JMJD1C: variants seen among roughly 807,000 people sequenced by gnomAD.
JMJD1C encodes jumonji domain-containing protein 1C.
Under a neutral mutation model 245.3 loss-of-function variants are expected in JMJD1C, and 31 were observed. That is an observed-to-expected ratio of 0.13 (90% CI 0.09 to 0.17). The LOEUF is 0.17. JMJD1C is among the 10% of genes least tolerant of loss of function. The pLI, the probability that JMJD1C is intolerant of heterozygous loss-of-function variation, is 1.00. For missense variants in JMJD1C, 2,691 were observed against 3,000.2 expected (o/e 0.90, Z 2.41); for synonymous variants, 1,057 against 1,017.4 (o/e 1.04, Z -0.74).
intron 2 of JMJD1C, among the ~76,000 whole-genome samples, chr10:63,290,010 C>T (rs1025815722): frequency 9.2e-5 from 14 of 151,810 alleles, no homozygotes; most frequent in African/African-American, 2.9e-4. Context: ...TCAAATATTA[C>T]AATACAGCCT....
chr10:63,216,298 C>A (rs1847967692), intron 5 of JMJD1C, among the ~76,000 whole-genome samples: 1 of 152,086 alleles, frequency 6.6e-6, no homozygotes, highest in Non-Finnish European at 1.5e-5. Context: ...ACAATACAAT[C>A]AGGCAGGAAG....
intron 1 of JMJD1C, among the ~76,000 whole-genome samples, chr10:63,411,120 A>C (rs1949446389): frequency 6.6e-6 from 1 of 152,168 alleles, no homozygotes; most frequent in Admixed American, 6.5e-5. Flanking sequence ...GAGTGTAAAA[A>C]GCCACTGAAT....
chr10:63,297,492 T>C (rs1237862062), intron 2 of JMJD1C, among the ~76,000 whole-genome samples: 1 of 152,184 alleles, frequency 6.6e-6, no homozygotes, highest in Non-Finnish European at 1.5e-5. Flanking sequence ...TCATTCTTCC[T>C]GGATGCAGGA....
intron 1 of JMJD1C, among the ~76,000 whole-genome samples, chr10:63,447,515 A>G (rs1319647667): frequency 6.6e-6 from 1 of 152,198 alleles, no homozygotes; most frequent in Non-Finnish European, 1.5e-5. Context: ...CAATTAAGTG[A>G]CCAGTCAAAA....
intron 3 of JMJD1C, chr10:63,222,696 A>G: frequency 6.5e-7 from 1 of 1,534,162 alleles, no homozygotes; most frequent in East Asian, 2.2e-5. Flanking sequence ...GGTACCAAAG[A>G]AGCAGCAGCT....
In JMJD1C at chr10:63,486,158, AAAAAAAAAAAC is replaced by A. The variant is rs1456833567; in HGVS notation, n.113+35569_113+35579del. On this transcript the variant is annotated intron_variant and non_coding_transcript_variant, in intron 1 of 3. Transcript: ENST00000633035. ...ATTGTAAAAAAAAAAAAAAAAAAAAAAAAAAAAAAACAAAAAACAGAAAACTTGAGAGAGCA... is the reference window on the plus strand; with the variant it reads ...ATTGTAAAAAAAAAAAAAAAAAAAAAAAAAAACAGAAAACTTGAGAGAGCA... Among the ~76,000 whole-genome samples the A allele has an allele frequency of 2.2e-3, 102 of 45,802 alleles. 2 individuals carry two copies. Among genetic ancestry groups the A allele is most frequent in the African/African-American group, 5.8e-3 (102 of 17,484 alleles). The allele number at this position is 45,802 out of a possible 152,430, so 30.0% of individuals were successfully genotyped here. A position where few individuals can be genotyped will look rare whatever the true frequency, so the allele number is the denominator to read the frequency against.
intron 2 of JMJD1C, among the ~76,000 whole-genome samples, chr10:63,320,602 T>A (rs1564783118): frequency 6.6e-6 from 1 of 152,234 alleles, no homozygotes; most frequent in Non-Finnish European, 1.5e-5. Flanking sequence ...GCTTCACTAT[T>A]TTTTCACATG....
At chr10:63,428,649 A>C (rs1215766671) in intron 1 of JMJD1C, among the ~76,000 whole-genome samples, 1 of 152,230 alleles carries the variant, frequency 6.6e-6, no homozygotes, top group African/African-American at 2.4e-5. Flanking sequence ...TTACCTCACC[A>C]GTTAGACTAT....
intron 2 of JMJD1C, among the ~76,000 whole-genome samples, chr10:63,357,900 T>C (rs537645860): frequency 6.1e-5 from 9 of 146,772 alleles, no homozygotes; most frequent in African/African-American, 2.0e-4. Context: ...AAGCAAGCAC[T>C]TTTAGTACCC....
intron 2 of JMJD1C, among the ~76,000 whole-genome samples, chr10:63,326,827 C>A (rs1267711995): frequency 6.6e-6 from 1 of 152,054 alleles, no homozygotes; most frequent in Non-Finnish European, 1.5e-5. Flanking sequence ...TGCAGTGAGC[C>A]GAGATCGTGC....
rs1337608194 is a variant in JMJD1C at position 63,233,712 on chromosome 10, C to A, written c.448-13729G>T. On this transcript the variant is annotated intron_variant, in intron 3 of 25. Coordinates refer to ENST00000399262, the MANE Select transcript of JMJD1C (RefSeq NM_032776.3). ...AAAGATTTTATATATATATGTATCTCCATATATACATATTATATATATATA... is the reference window on the plus strand; with the variant it reads ...AAAGATTTTATATATATATGTATCTACATATATACATATTATATATATATA... Among the ~76,000 whole-genome samples the A allele has an allele frequency of 2.1e-5, 3 of 146,190 alleles. 1 individual carries two copies. In the South Asian group the frequency reaches 6.3e-4, roughly 31 times the overall value.
intron 3 of JMJD1C, among the ~76,000 whole-genome samples, chr10:63,253,182 A>C (rs1853345026): frequency 6.6e-6 from 1 of 152,184 alleles, no homozygotes; most frequent in African/African-American, 2.4e-5. Context: ...GAAGTAATCA[A>C]AACAGTGTGA....
In JMJD1C at chr10:63,190,497, C is replaced by T. The variant is rs189484473; in HGVS notation, c.6291+397G>A. Among the ~76,000 whole-genome samples, 464 of 152,254 alleles carry T rather than the reference C, an allele frequency of 3.0e-3. 7 individuals carry two copies. The highest frequency in any genetic ancestry group is 9.7e-3 in the African/African-American group (404 of 41,558). ...GATTACAGGTGTGAGCCGCCGCACC[C>T]GGCCCCCCATATAGTTTTAAAAGAA... On this transcript the variant is annotated intron_variant, in intron 17 of 25. Transcript: ENST00000399262.
chr10:63,374,382 C>T (rs1254320306), intron 2 of JMJD1C, among the ~76,000 whole-genome samples: 3 of 152,162 alleles, frequency 2.0e-5, no homozygotes, highest in African/African-American at 7.2e-5. Flanking sequence ...AAAACTCCTC[C>T]TGTTTTGGCC....
intron 2 of JMJD1C, among the ~76,000 whole-genome samples, chr10:63,308,540 A>C (rs1192572064): frequency 6.6e-6 from 1 of 152,022 alleles, no homozygotes; most frequent in African/African-American, 2.4e-5. Flanking sequence ...TAAAACATTA[A>C]CAAAACCAAG....
At chr10:63,520,955 A>G (rs1213781766) in intron 1 of JMJD1C, among the ~76,000 whole-genome samples, 1 of 152,196 alleles carries the variant, frequency 6.6e-6, no homozygotes, top group African/African-American at 2.4e-5. Flanking sequence ...AGGATACCGG[A>G]TGTGGCCAGG....
intron 1 of JMJD1C, among the ~76,000 whole-genome samples, chr10:63,397,277 A>C (rs1948565631): frequency 6.6e-6 from 1 of 152,126 alleles, no homozygotes; most frequent in Non-Finnish European, 1.5e-5. Context: ...GCAATGGCAC[A>C]ATCTCAGCTC....
intron 1 of JMJD1C, among the ~76,000 whole-genome samples, chr10:63,423,993 CTGT>C (rs1051418392): frequency 1.3e-5 from 2 of 152,078 alleles, no homozygotes; most frequent in Non-Finnish European, 2.9e-5. Flanking sequence ...GGTTGTTTTC[CTGT>C]TGTTCAAGTT....
intron 2 of JMJD1C, among the ~76,000 whole-genome samples, chr10:63,343,068 A>G (rs1474884218): frequency 6.6e-6 from 1 of 152,218 alleles, no homozygotes; most frequent in African/African-American, 2.4e-5. Context: ...CATTAAAAAA[A>G]TAACTGATTT....
Sources: allele counts gnomAD v4.1 joint callset (sites outside exome capture counted in the v4.1 genomes callset), GRCh38; gene constraint gnomAD v4.1.1; transcripts MANE v1.5; gene names NCBI Gene and HGNC (gene_info 2026-07-23, HGNC 2026-07-21).